Variants in MYO1H observed in about 807,000 individuals in gnomAD.
MYO1H encodes myosin IH.
In MYO1H, 118 loss-of-function variants were observed where a neutral mutation model predicts 149.3. The observed-to-expected ratio is 0.79, with a 90% CI of 0.68 to 0.92. The LOEUF is 0.92. Ranked by LOEUF, MYO1H falls within the 40% of genes least tolerant of loss-of-function variation. The pLI is 0.00. For synonymous variants in MYO1H, 447 were observed against 465.2 expected (o/e 0.96, Z 0.50); for missense variants, 1,212 against 1,280.7 (o/e 0.95, Z 0.82).
At position 109,439,800 on chromosome 12, in the gene MYO1H, A is replaced by C; in HGVS notation, c.2454+10A>C. 1.2e-6 allele frequency: 2 copies of C among 1,612,064 alleles called. No homozygotes were observed. The highest frequency in any genetic ancestry group is 1.7e-6 in the Non-Finnish European group (2 of 1,178,428). On this transcript the variant is annotated intron_variant, in intron 24 of 31. Transcript: ENST00000310903. ...TGGCATCTTGGAAAATGTAAGGACT[A>C]ATCTGGGATTTCCAGTGTTGTAAGT...
intron 1 of MYO1H, among the ~76,000 whole-genome samples, chr12:109,360,114 TTTC>T (rs150274662): frequency 0.038 from 5,634 of 148,670 alleles, 100 homozygotes; most frequent in Middle Eastern, 0.058. Flanking sequence ...CTTTTTCTTC[TTTC>T]TTTTTTTTTT....
the MYO1H span, among the ~76,000 whole-genome samples, chr12:109,339,920 A>G: frequency 6.6e-6 from 1 of 152,222 alleles, no homozygotes; most frequent in African/African-American, 2.4e-5. Flanking sequence ...TAGCAAAATA[A>G]TAAATGTCAT....
At chr12:109,319,884 T>G in the MYO1H span, among the ~76,000 whole-genome samples, 1 of 152,216 alleles carries the variant, frequency 6.6e-6, no homozygotes, top group Admixed American at 6.5e-5. Flanking sequence ...TTAGAACCAC[T>G]GGCCTTAGAA....
At chr12:109,360,323 A>T (rs1364691414) in intron 1 of MYO1H, among the ~76,000 whole-genome samples, 3 of 152,218 alleles carry the variant, frequency 2.0e-5, no homozygotes, top group African/African-American at 7.2e-5. Context: ...GACAAAATTA[A>T]TGGGAGTTTC....
chr12:109,375,534 T>G (rs928862546), intron 1 of MYO1H, among the ~76,000 whole-genome samples: 2 of 152,250 alleles, frequency 1.3e-5, no homozygotes, highest in Non-Finnish European at 2.9e-5. Flanking sequence ...TATTCATTTC[T>G]AGATCCTTTT....
At chr12:109,371,075 G>T (rs968406874) in intron 1 of MYO1H, among the ~76,000 whole-genome samples, 1 of 152,110 alleles carries the variant, frequency 6.6e-6, no homozygotes, top group Admixed American at 6.6e-5. Flanking sequence ...GAGCTAACAG[G>T]TATATATAAC....
rs191511582 is a variant in MYO1H at position 109,392,814 on chromosome 12, T to G, written c.175-517T>G. Among the ~76,000 whole-genome samples the G allele has an allele frequency of 9.6e-3, 1,452 of 151,980 alleles. 18 individuals are homozygous for G. Among genetic ancestry groups the G allele is most frequent in the African/African-American group, 0.033 (1,352 of 41,450 alleles). On this transcript the variant is annotated intron_variant, in intron 2 of 31. Coordinates refer to ENST00000310903, the Ensembl canonical transcript of MYO1H. ...GTATACCTTTCTTTTTATTTATTTA[T>G]TTAGTTAGTTTTTTGAGTCAGAGTC...
At position 109,362,275 on chromosome 12, in the gene MYO1H, A is replaced by G. The variant is rs565434074; in HGVS notation, c.12+14303A>G. On this transcript the variant is annotated intron_variant, in intron 1 of 31. Transcript: ENST00000310903. ...GTTAACTGTGAGATGTATTGAAAGG[A>G]CATCTTTCTGTATTCAGCCTTCTAG... Among the ~76,000 whole-genome samples the G allele has an allele frequency of 3.0e-4, 45 of 152,354 alleles. 1 individual carries two copies. Among genetic ancestry groups the G allele is most frequent in the African/African-American group, 1.0e-3 (42 of 41,586 alleles).
upstream of MYO1H, among the ~76,000 whole-genome samples, chr12:109,346,193 T>A (rs2048101964): frequency 6.6e-6 from 1 of 152,200 alleles, no homozygotes; most frequent in African/African-American, 2.4e-5. Context: ...GTATAACAAC[T>A]ATTTACATGG....
chr12:109,425,612 G>T (rs1288805668), intron 17 of MYO1H, among the ~76,000 whole-genome samples: 2 of 152,288 alleles, frequency 1.3e-5, no homozygotes, highest in East Asian at 3.9e-4. Context: ...AAGGACACGT[G>T]TCAACAAAGA....
intron 1 of MYO1H, among the ~76,000 whole-genome samples, chr12:109,370,513 G>A (rs529272324): frequency 2.0e-5 from 3 of 152,320 alleles, no homozygotes; most frequent in Admixed American, 6.5e-5. Context: ...ATCTGGCTAT[G>A]GAGTTGTTGT....
intron 1 of MYO1H, among the ~76,000 whole-genome samples, chr12:109,387,245 TTATAA>T (rs1869381179): frequency 6.6e-6 from 1 of 152,172 alleles, no homozygotes; most frequent in South Asian, 2.1e-4. Flanking sequence ...TTTTTTTTCT[TTATAA>T]ATATCTAGTT....
intron 19 of MYO1H, among the ~76,000 whole-genome samples, chr12:109,430,775 A>G (rs1871577057): frequency 1.3e-5 from 2 of 152,032 alleles, no homozygotes; most frequent in South Asian, 4.2e-4. Context: ...AAAATACAAA[A>G]ATTAGCTGGG....
chr12:109,442,353 C>A, intron 27 of MYO1H, 81 bp downstream of exon 27: 2 of 1,255,918 alleles, frequency 1.6e-6, no homozygotes, highest in Admixed American at 1.8e-5. Context: ...CCATAAAGGG[C>A]GCACTATTTA....
intron 1 of MYO1H, among the ~76,000 whole-genome samples, chr12:109,369,807 G>T (rs1868944546): frequency 1.3e-5 from 2 of 152,142 alleles, no homozygotes; most frequent in South Asian, 4.1e-4. Context: ...CCCTGTATTA[G>T]TCCATTTTCA....
chr12:109,344,367 A>G (rs552061804), upstream of MYO1H, among the ~76,000 whole-genome samples: 1 of 152,330 alleles, frequency 6.6e-6, no homozygotes, highest in South Asian at 2.1e-4. Context: ...CAATCTGAAA[A>G]TGAAATAAAT....
At chr12:109,391,658 G>A (rs760396939) in intron 2 of MYO1H, among the ~76,000 whole-genome samples, 5 of 152,164 alleles carry the variant, frequency 3.3e-5, no homozygotes, top group African/African-American at 4.8e-5. Context: ...CACAATGGTT[G>A]AACTAATTTA....
chr12:109,427,316 CAAAAAA>C lies in MYO1H; in HGVS notation c.1832-137_1832-132del, dbSNP rs34644066. Among the ~76,000 whole-genome samples, 3 of 101,232 alleles carry C rather than the reference CAAAAAA, an allele frequency of 3.0e-5. No homozygotes were observed. In the South Asian group the frequency reaches 1.1e-3, roughly 37 times the overall value. The allele number at this position is 101,232 out of a possible 152,430, so 66.4% of individuals were successfully genotyped here. On this transcript the variant is annotated intron_variant, in intron 18 of 31. Transcript: ENST00000310903. ...GGGCAAAAAGAATGAAACCCCATCT[CAAAAAA>C]AAAAAAAAAAAAAAATTAAGACCTC...
chr12:109,319,923 T>C, the MYO1H span, among the ~76,000 whole-genome samples: 1 of 152,150 alleles, frequency 6.6e-6, no homozygotes, highest in South Asian at 2.1e-4. Flanking sequence ...ACAGATTGTT[T>C]TTGTTTTGTT....
Sources: gnomAD v4.1 joint callset for allele counts (sites outside exome capture counted in the v4.1 genomes callset) on GRCh38, gnomAD v4.1.1 for gene constraint, MANE v1.5 for transcripts, NCBI Gene and HGNC (gene_info 2026-07-23, HGNC 2026-07-21) for gene names.